Variants in ERBB4 observed in about 807,000 individuals in gnomAD.
The protein encoded by ERBB4 is erb-b2 receptor tyrosine kinase 4.
In ERBB4, 42 loss-of-function variants were observed where a neutral mutation model predicts 158.0. The observed-to-expected ratio is 0.27, with a 90% CI of 0.21 to 0.34. The LOEUF is 0.34. Ranked by LOEUF, ERBB4 falls within the 10% of genes least tolerant of loss-of-function variation. The pLI is 1.00. For synonymous variants in ERBB4, 583 were observed against 558.7 expected (o/e 1.04, Z -0.61); for missense variants, 1,333 against 1,624.1 (o/e 0.82, Z 3.08).
chr2:211,619,042 C>T, intron 19 of ERBB4, 135 bp downstream of exon 19: 1 of 654,274 alleles, frequency 1.5e-6, no homozygotes, highest in Non-Finnish European at 2.7e-6. Context: ...TTAGAAATGT[C>T]TTTAATTATA....
chr2:212,015,520 G>A (rs1384138560), intron 2 of ERBB4, among the ~76,000 whole-genome samples: 3 of 152,004 alleles, frequency 2.0e-5, no homozygotes, highest in African/African-American at 7.2e-5. Context: ...TCTCTGAATT[G>A]CCCTTAGCTC....
intron 1 of ERBB4, among the ~76,000 whole-genome samples, chr2:212,498,946 G>T (rs1288397514): frequency 6.6e-6 from 1 of 151,950 alleles, no homozygotes; most frequent in East Asian, 1.9e-4. Flanking sequence ...TGGACAAGTG[G>T]ATCTGAGTAA....
chr2:212,467,184 G>T (rs1290585380), intron 1 of ERBB4, among the ~76,000 whole-genome samples: 2 of 152,212 alleles, frequency 1.3e-5, no homozygotes, highest in Non-Finnish European at 2.9e-5. Flanking sequence ...ACCTGAAAAT[G>T]CAGTAGAAAA....
intron 1 of ERBB4, among the ~76,000 whole-genome samples, chr2:212,308,665 A>G (rs1164297115): frequency 6.6e-6 from 1 of 151,032 alleles, no homozygotes; most frequent in African/African-American, 2.4e-5. Context: ...TGATCACTAG[A>G]AAAAAGGCTG....
At chr2:212,052,429 A>G (rs1348487725) in intron 2 of ERBB4, among the ~76,000 whole-genome samples, 2 of 152,154 alleles carry the variant, frequency 1.3e-5, no homozygotes, top group Non-Finnish European at 2.9e-5. Flanking sequence ...CTGTGAGTCA[A>G]TACTCCTTAA....
intron 4 of ERBB4, among the ~76,000 whole-genome samples, chr2:211,772,920 CACACATAT>C (rs1559504754): frequency 9.8e-5 from 4 of 40,746 alleles, no homozygotes; most frequent in Non-Finnish European, 1.4e-4. Flanking sequence ...CACACACACA[CACACATAT>C]ATATATATAT....
intron 3 of ERBB4, among the ~76,000 whole-genome samples, chr2:211,876,261 G>A (rs2078498095): frequency 6.6e-6 from 1 of 152,126 alleles, no homozygotes; most frequent in African/African-American, 2.4e-5. Flanking sequence ...GCACACGTCA[G>A]TAGGTATTTT....
At chr2:212,064,988 G>GGTGTGTGTGTGTGT (rs34396660) in intron 2 of ERBB4, among the ~76,000 whole-genome samples, 1 of 143,284 alleles carries the variant, frequency 7.0e-6, no homozygotes, top group African/African-American at 2.6e-5. Flanking sequence ...ACATCTTTAT[G>GGTGTGTGTGTGTGT]GTGTGTGTGT....
Position 212,263,451 on chromosome 2 carries a change from C to T in ERBB4, c.83-138548G>A, listed in dbSNP as rs529942147. ...TAAAAACTCAAGAAATAAAGGGATT[C>T]CTCTTGGATTACAGCAAAAATATTT... On this transcript the variant is annotated intron_variant, in intron 1 of 27. Transcript: ENST00000342788. 2.0e-5 allele frequency among the ~76,000 whole-genome samples: 3 copies of T among 152,164 alleles called. No homozygotes were observed. The South Asian group carries it at 6.2e-4, about 32-fold the overall frequency.
At chr2:212,168,858 G>A (rs2125666753) in intron 1 of ERBB4, among the ~76,000 whole-genome samples, 1 of 152,208 alleles carries the variant, frequency 6.6e-6, no homozygotes, top group East Asian at 1.9e-4. Flanking sequence ...GTTGAGGTTG[G>A]AATTACAGTA....
intron 2 of ERBB4, among the ~76,000 whole-genome samples, chr2:212,082,225 T>C (rs911958562): frequency 2.6e-5 from 4 of 152,110 alleles, no homozygotes; most frequent in Non-Finnish European, 4.4e-5. Flanking sequence ...AGATTACATA[T>C]ATAGAAATTA....
At chr2:212,393,080 TTTTTCTACCATTAAA>T (rs1193879817) in intron 1 of ERBB4, among the ~76,000 whole-genome samples, 1 of 152,038 alleles carries the variant, frequency 6.6e-6, no homozygotes, top group African/African-American at 2.4e-5. Context: ...TGCATTTTCT[TTTTTCTACCATTAAA>T]TATGCCTCTC....
Position 211,654,533 on chromosome 2 carries a change from C to T in ERBB4, c.1946+3221G>A, listed in dbSNP as rs573337632. Among the ~76,000 whole-genome samples the T allele has an allele frequency of 1.5e-4, 23 of 152,232 alleles. No individual in the cohort carries two copies. In the South Asian group the frequency reaches 2.9e-3, roughly 19 times the overall value. On this transcript the variant is annotated intron_variant, in intron 16 of 27. Coordinates refer to ENST00000342788, the MANE Select transcript of ERBB4 (RefSeq NM_005235.3). ...TGTAGTCACTAACCTACTGGATTAA[C>T]GCCCTGTTGATATGTAAATTACTAA...
chr2:211,657,503 G>A (rs538723016), intron 16 of ERBB4: 5 of 434,024 alleles, frequency 1.2e-5, no homozygotes, highest in East Asian at 4.6e-5. Context: ...AGTGAGACTC[G>A]GTCTCCAAAA....
intron 4 of ERBB4, among the ~76,000 whole-genome samples, chr2:211,770,849 C>T (rs964527210): frequency 4.6e-5 from 7 of 152,138 alleles, no homozygotes; most frequent in African/African-American, 1.7e-4. Flanking sequence ...CAGGAGGTCA[C>T]AGGCATTTAA....
intron 1 of ERBB4, among the ~76,000 whole-genome samples, chr2:212,440,059 A>G (rs1380744075): frequency 6.6e-6 from 1 of 152,246 alleles, no homozygotes; most frequent in African/African-American, 2.4e-5. Context: ...CATTTAGTAG[A>G]AAGATAGTAA....
chr2:212,360,180 C>T (rs2089631596), intron 1 of ERBB4, among the ~76,000 whole-genome samples: 1 of 150,636 alleles, frequency 6.6e-6, no homozygotes, highest in Non-Finnish European at 1.5e-5. Context: ...ACCTACTATT[C>T]TTTACATCTA....
intron 1 of ERBB4, among the ~76,000 whole-genome samples, chr2:212,183,029 A>C (rs2081919544): frequency 6.6e-6 from 1 of 151,832 alleles, no homozygotes; most frequent in African/African-American, 2.4e-5. Context: ...CCAAAGTGAA[A>C]AAGGTTATGA....
intron 1 of ERBB4, among the ~76,000 whole-genome samples, chr2:212,155,905 T>C (rs1356593641): frequency 6.6e-6 from 1 of 152,138 alleles, no homozygotes; most frequent in Non-Finnish European, 1.5e-5. Context: ...AACACATATA[T>C]TACAATATCA....
Sources: gnomAD v4.1 joint callset for allele counts (sites outside exome capture counted in the v4.1 genomes callset) on GRCh38, gnomAD v4.1.1 for gene constraint, MANE v1.5 for transcripts, NCBI Gene and HGNC (gene_info 2026-07-23, HGNC 2026-07-21) for gene names.